Variants in MAN1C1 observed in about 807,000 individuals in gnomAD.
MAN1C1 encodes mannosyl-oligosaccharide 1,2-alpha-mannosidase IC.
A neutral mutation model predicts 71.5 loss-of-function variants in MAN1C1; 49 were observed. The observed-to-expected ratio is 0.69, with a 90% CI of 0.54 to 0.87. The LOEUF (loss-of-function observed/expected upper bound fraction) is 0.87, where lower values mean the gene tolerates loss of function less well. Among genes scored for constraint, MAN1C1 ranks in the 40% least tolerant of loss-of-function variants. MAN1C1 has a pLI of 0.00. For missense variants in MAN1C1, 743 were observed against 835.0 expected (o/e 0.89, Z 1.36); for synonymous variants, 352 against 343.7 (o/e 1.02, Z -0.27).
chr1:25,669,139 A>G (rs1445363593), intron 1 of MAN1C1, among the ~76,000 whole-genome samples: 2 of 152,196 alleles, frequency 1.3e-5, no homozygotes, highest in African/African-American at 4.8e-5. Context: ...TGCGTATGGC[A>G]AGGTCTGTTT....
intron 1 of MAN1C1, among the ~76,000 whole-genome samples, chr1:25,630,793 T>C (rs977778662): frequency 1.8e-4 from 28 of 152,216 alleles, no homozygotes; most frequent in African/African-American, 6.8e-4. Flanking sequence ...ATTTATCAAA[T>C]CTAAGAGTCT....
At chr1:25,772,298 G>C (rs1429768966) in intron 8 of MAN1C1, 1 of 157,122 alleles carries the variant, frequency 6.4e-6, no homozygotes, top group African/African-American at 2.4e-5. Context: ...AAGGCCTAGA[G>C]AGGGGAAGGC....
chr1:25,780,473 A>T (rs1370261424), intron 9 of MAN1C1, among the ~76,000 whole-genome samples: 1 of 152,180 alleles, frequency 6.6e-6, no homozygotes. Flanking sequence ...GGTCCCAAGG[A>T]GAAGCCTCAT....
chr1:25,762,728 A>G (rs1024115809), intron 6 of MAN1C1, among the ~76,000 whole-genome samples: 5 of 151,906 alleles, frequency 3.3e-5, no homozygotes, highest in African/African-American at 1.2e-4. Context: ...ATGCCTGGCT[A>G]TACCACATTT....
chr1:25,767,562 TCACACACACCCACA>T (rs1215667475), intron 7 of MAN1C1, among the ~76,000 whole-genome samples: 7 of 82,038 alleles, frequency 8.5e-5, no homozygotes, highest in African/African-American at 2.0e-4. Context: ...CACACTCCCC[TCACACACACCCACA>T]CACACAGACC....
chr1:25,708,543 G>T (rs1347313853), intron 2 of MAN1C1, among the ~76,000 whole-genome samples: 1 of 152,054 alleles, frequency 6.6e-6, no homozygotes, highest in Non-Finnish European at 1.5e-5. Context: ...AACCTCCTGG[G>T]AATGCAGCCC....
intron 2 of MAN1C1, among the ~76,000 whole-genome samples, chr1:25,714,663 T>A (rs2046656906): frequency 6.6e-6 from 1 of 152,202 alleles, no homozygotes; most frequent in Non-Finnish European, 1.5e-5. Flanking sequence ...CATTTTAGAC[T>A]CCTGTGTTTT....
In MAN1C1 at chr1:25,746,548, G is replaced by T; in HGVS notation, c.638-120G>T. ...TGGAGTCCCCCGGATGGTGCCTGAGGCCAGCCTTTGCCACCAAGCCTGCGC... is the reference window on the plus strand; with the variant it reads ...TGGAGTCCCCCGGATGGTGCCTGAGTCCAGCCTTTGCCACCAAGCCTGCGC... On this transcript the variant is annotated intron_variant, in intron 2 of 11. Transcript: ENST00000374332. The surrounding 1 kb of genome is among the most constrained non-coding windows in gnomAD (Gnocchi z 4.0). 1.2e-6 allele frequency: 1 copy of T among 803,146 alleles called. No individual in the cohort carries two copies. The highest frequency in any genetic ancestry group is 2.1e-6 in the Non-Finnish European group (1 of 468,050). The allele number at this position is 803,146 out of a possible 1,614,324, so 49.8% of individuals were successfully genotyped here.
intron 1 of MAN1C1, among the ~76,000 whole-genome samples, chr1:25,636,219 C>CGTTT (rs1194262774): frequency 2.0e-5 from 3 of 152,198 alleles, no homozygotes; most frequent in Non-Finnish European, 4.4e-5. Flanking sequence ...ACATCTTAAA[C>CGTTT]AACAGAAAAC....
At chr1:25,685,111 A>G (rs751017877) in intron 1 of MAN1C1, among the ~76,000 whole-genome samples, 28 of 152,240 alleles carry the variant, frequency 1.8e-4, no homozygotes, top group Non-Finnish European at 3.7e-4. Flanking sequence ...AAATCGAGCT[A>G]GTGCTTGTCA....
Position 25,753,398 on chromosome 1 carries a change from G to T in MAN1C1, c.835-86G>T. On this transcript the variant is annotated intron_variant, in intron 4 of 11. Coordinates refer to ENST00000374332, the MANE Select transcript of MAN1C1 (RefSeq NM_020379.4). The surrounding 1 kb of genome is among the most constrained non-coding windows in gnomAD (Gnocchi z 4.9). ...CCTACTCTAGACCTGCAGCCCTGGG[G>T]GGTTCATCCTGCCTGCAGCAGTTCT... 1 of 956,454 alleles carries T rather than the reference G, an allele frequency of 1.0e-6. No individual in the cohort carries two copies. The highest frequency in any genetic ancestry group is 2.7e-5 in the East Asian group (1 of 37,464). 59.2% of individuals were successfully genotyped at this position (956,454 alleles called of 1,614,324 possible).
At chr1:25,642,302 AT>A (rs1485092812) in intron 1 of MAN1C1, among the ~76,000 whole-genome samples, 2 of 152,160 alleles carry the variant, frequency 1.3e-5, no homozygotes, top group Non-Finnish European at 2.9e-5. Context: ...CCAGTAACTG[AT>A]TGATGCTCAG....
intron 2 of MAN1C1, among the ~76,000 whole-genome samples, chr1:25,699,396 G>A (rs1189942298): frequency 6.6e-6 from 1 of 152,124 alleles, no homozygotes; most frequent in African/African-American, 2.4e-5. Flanking sequence ...GGGAGATGTG[G>A]CAAGACCTCG....
chr1:25,734,211 C>A lies in MAN1C1; in HGVS notation c.638-12457C>A, dbSNP rs548453210. 1.2e-3 allele frequency among the ~76,000 whole-genome samples: 176 copies of A among 152,330 alleles called. 5 individuals carry two copies. In the South Asian group the frequency reaches 0.036, roughly 31 times the overall value. ...TAGCGCAATCACGGCTCACTGCAACCTCCACCTCATGGGTTCAAGCGATTC... is the reference window on the plus strand; with the variant it reads ...TAGCGCAATCACGGCTCACTGCAACATCCACCTCATGGGTTCAAGCGATTC... On this transcript the variant is annotated intron_variant, in intron 2 of 11. Coordinates refer to ENST00000374332, the MANE Select transcript of MAN1C1 (RefSeq NM_020379.4).
At chr1:25,762,547 C>T (rs527606025) in intron 6 of MAN1C1, among the ~76,000 whole-genome samples, 136 of 152,172 alleles carry the variant, frequency 8.9e-4, no homozygotes, top group South Asian at 1.7e-3. Flanking sequence ...GTGTCTCCAC[C>T]TCCAGAGTAG....
In MAN1C1 at chr1:25,778,267, T is replaced by G; in HGVS notation, c.1420T>G (p.Tyr474Asp). The part of the protein sequence containing the change: ...EDAKEEKRAH[Y>D]RELAAQITKT... Reference sequence around the variant, plus strand: ...TGCCAAGGAAGAAAAGAGGGCCCACTACCGAGAGCTCGCAGCCCAGATCAC... The same window carrying G: ...TGCCAAGGAAGAAAAGAGGGCCCACGACCGAGAGCTCGCAGCCCAGATCAC... Residue 474 changes from tyrosine to aspartate, a missense_variant, in exon 9 of 12, where the codon TAC becomes GAC. Tyr to Asp is a radical substitution (Grantham distance 160). Transcript: ENST00000374332. The surrounding 1 kb of genome is among the most constrained non-coding windows in gnomAD (Gnocchi z 5.5). The G allele has an allele frequency of 6.2e-7, 1 of 1,613,906 alleles. No homozygotes were observed. Among genetic ancestry groups the G allele is most frequent in the Middle Eastern group, 1.7e-4 (1 of 6,060 alleles).
chr1:25,665,557 C>T (rs547142676), intron 1 of MAN1C1, among the ~76,000 whole-genome samples: 66 of 152,252 alleles, frequency 4.3e-4, no homozygotes, highest in African/African-American at 1.5e-3. Flanking sequence ...CCAATCTCTG[C>T]CTCGAGACCC....
intron 1 of MAN1C1, among the ~76,000 whole-genome samples, chr1:25,668,901 C>T (rs1313683592): frequency 6.6e-6 from 1 of 152,158 alleles, no homozygotes; most frequent in Non-Finnish European, 1.5e-5. Context: ...ATTGAGAAAA[C>T]CTGATGGTTT....
intron 2 of MAN1C1, among the ~76,000 whole-genome samples, chr1:25,701,232 C>T (rs1284340439): frequency 6.6e-6 from 1 of 152,224 alleles, no homozygotes; most frequent in African/African-American, 2.4e-5. Context: ...AAGCCTGCAC[C>T]TGCTCAGGCA....
Sources: gnomAD v4.1 joint callset for allele counts (sites outside exome capture counted in the v4.1 genomes callset) on GRCh38, gnomAD v4.1.1 for gene constraint, Gnocchi (gnomAD v3.1) non-coding constraint, MANE v1.5 for transcripts, NCBI Gene and HGNC (gene_info 2026-07-23, HGNC 2026-07-21) for gene names.